The following MARCHF6 variants were observed in gnomAD, a reference collection of about 807,000 sequenced individuals.
MARCHF6 encodes the protein membrane associated ring-CH-type finger 6.
MARCHF6 carries 31 observed loss-of-function variants against 133.7 expected under a neutral mutation model. The ratio of observed to expected loss-of-function variants is 0.23; its 90% CI spans 0.17 to 0.31. The LOEUF (loss-of-function observed/expected upper bound fraction) is 0.31, where lower values mean the gene tolerates loss of function less well. Ranked by LOEUF, MARCHF6 falls within the 10% of genes least tolerant of loss-of-function variation. The probability of loss-of-function intolerance (pLI) is 1.00; values close to 1 mark genes in which losing one functional copy is unlikely to be tolerated. For missense variants in MARCHF6, 723 were observed against 1,121.6 expected, an observed-to-expected ratio of 0.64 and a Z score of 5.08; for synonymous variants, 395 against 402.5, an observed-to-expected ratio of 0.98 and a Z score of 0.22.
rs1740620973 is a variant in MARCHF6, at chr5:10,435,698, T to A, written c.*2014T>A. On this transcript the variant is annotated 3_prime_UTR_variant, in exon 26 of 26. Coordinates refer to ENST00000274140, the MANE Select transcript of MARCHF6 (RefSeq NM_005885.4). ...ATATATATATATATATATATATATA[T>A]TTTTTTTTTTTTTTTTTTTTTTTTT... The A allele has an allele frequency of 1.4e-4, 1 of 6,978 alleles. No individual in the cohort carries two copies. The highest frequency in any genetic ancestry group is 5.7e-3 in the South Asian group (1 of 174). 0.4% of individuals were successfully genotyped at this position (6,978 alleles called of 1,614,324 possible). A position where few individuals can be genotyped will look rare whatever the true frequency, so the allele number is the denominator to read the frequency against.
chr5:10,366,660 C>G (rs1002892848), intron 1 of MARCHF6, among the ~76,000 whole-genome samples: 18 of 152,194 alleles, frequency 1.2e-4, no homozygotes, highest in African/African-American at 4.3e-4. Context: ...GGAGCAAAGG[C>G]AGCAGCCTAG....
rs751425533 is a variant in MARCHF6, at chr5:10,394,075, T to C, written c.767-7T>C. 19 of 1,510,182 alleles carry C rather than the reference T, an allele frequency of 1.3e-5. No homozygotes were observed. Among genetic ancestry groups the C allele is most frequent in the Middle Eastern group, 3.6e-4 (2 of 5,628 alleles). 93.5% of individuals were successfully genotyped at this position (1,510,182 alleles called of 1,614,324 possible). ...AAGTAATCTTTAAATTGCAATTATA[T>C]TTTCAGATGACATGAATTGGAATGC... On this transcript the variant is annotated splice_region_variant and splice_polypyrimidine_tract_variant and intron_variant, in intron 7 of 25. Transcript: ENST00000274140.
chr5:10,405,468 T>C (rs1738829572), intron 15 of MARCHF6, 90 bp from the exon 16 acceptor site: 1 of 1,120,356 alleles, frequency 8.9e-7, no homozygotes, highest in Admixed American at 3.0e-5. Context: ...AGAATAATTC[T>C]AAGTGCTTAT....
At position 10,431,187 on chromosome 5, in the gene MARCHF6, A is replaced by G. The variant is rs189319289; in HGVS notation, c.2642+1159A>G. ...AGCATTTACTGACAGTAAAAAATAC[A>G]AGTACACTTAGGCAGTCAGAGTACA... On this transcript the variant is annotated intron_variant, in intron 25 of 25. Coordinates refer to ENST00000274140, the MANE Select transcript of MARCHF6 (RefSeq NM_005885.4). Among the ~76,000 whole-genome samples the G allele has an allele frequency of 7.2e-5, 11 of 152,346 alleles. No homozygotes were observed. The East Asian group carries it at 2.1e-3, about 29-fold the overall frequency.
intron 7 of MARCHF6, 115 bp downstream of exon 7, chr5:10,391,846 C>G: frequency 9.2e-7 from 1 of 1,090,168 alleles, no homozygotes; most frequent in Non-Finnish European, 1.2e-6. Context: ...CTATTTCTAA[C>G]TTATTTTTAC....
chr5:10,429,792 C>A, intron 24 of MARCHF6, 101 bp from the exon 25 acceptor site: 2 of 944,512 alleles, frequency 2.1e-6, no homozygotes, highest in African/African-American at 1.6e-5. Context: ...GCTTAGAAAG[C>A]TTGTCTGCCC....
Position 10,372,742 on chromosome 5 carries a change from A to G in MARCHF6, c.20-5056A>G, listed in dbSNP as rs147448462. Among the ~76,000 whole-genome samples the G allele has an allele frequency of 1.1e-4, 16 of 152,336 alleles. No individual in the cohort carries two copies. In the East Asian group the frequency reaches 2.9e-3, roughly 28 times the overall value. ...AAAATAACTATTCCAAACTCCCAAAATTGATGAGGAAAGTGGATTTGTTTT... is the reference window on the plus strand; with the variant it reads ...AAAATAACTATTCCAAACTCCCAAAGTTGATGAGGAAAGTGGATTTGTTTT... On this transcript the variant is annotated intron_variant, in intron 1 of 25. Coordinates refer to ENST00000274140, the MANE Select transcript of MARCHF6 (RefSeq NM_005885.4).
chr5:10,382,350 C>T (rs1016752715), intron 4 of MARCHF6, among the ~76,000 whole-genome samples: 8 of 150,608 alleles, frequency 5.3e-5, no homozygotes, highest in African/African-American at 2.0e-4. Context: ...TGAGACTAGC[C>T]TGGCCAACAT....
At chr5:10,362,989 A>G (rs896166794) in intron 1 of MARCHF6, among the ~76,000 whole-genome samples, 16 of 152,246 alleles carry the variant, frequency 1.1e-4, no homozygotes, top group African/African-American at 3.8e-4. Context: ...GAATAGCTGT[A>G]GGAAAAAAAA....
intron 1 of MARCHF6, among the ~76,000 whole-genome samples, chr5:10,372,082 A>T (rs1021635273): frequency 1.3e-5 from 2 of 151,682 alleles, no homozygotes; most frequent in African/African-American, 4.8e-5. Context: ...AAAAAAAGAG[A>T]GACATAGAGA....
At chr5:10,356,964 A>G (rs968132326) in intron 1 of MARCHF6, among the ~76,000 whole-genome samples, 5 of 152,220 alleles carry the variant, frequency 3.3e-5, no homozygotes, top group African/African-American at 1.2e-4. Flanking sequence ...TAATTTTTGT[A>G]AAATCAACAG....
chr5:10,426,244 A>T (rs1177868677), intron 23 of MARCHF6, 146 bp from the exon 24 acceptor site: 18 of 797,942 alleles, frequency 2.3e-5, no homozygotes, highest in Non-Finnish European at 3.5e-5. Context: ...GCTTATGTTG[A>T]TATACCAGAA....
intron 9 of MARCHF6, 84 bp from the exon 10 acceptor site, chr5:10,397,209 C>A: frequency 2.1e-6 from 2 of 957,158 alleles, no homozygotes; most frequent in Non-Finnish European, 1.5e-6. Flanking sequence ...TACTATTTGG[C>A]TCTAGCTAAA....
At chr5:10,361,437 T>C (rs1735812967) in intron 1 of MARCHF6, among the ~76,000 whole-genome samples, 1 of 152,184 alleles carries the variant, frequency 6.6e-6, no homozygotes, top group South Asian at 2.1e-4. Flanking sequence ...GGCTTGTAGA[T>C]GATTGTCTTC....
chr5:10,387,640 A>G (rs1045229528), intron 5 of MARCHF6, among the ~76,000 whole-genome samples: 6 of 151,994 alleles, frequency 3.9e-5, no homozygotes, highest in Non-Finnish European at 7.4e-5. Context: ...GCAGTTTGAG[A>G]TACATACTAC....
At chr5:10,368,916 C>A (rs193049457) in intron 1 of MARCHF6, among the ~76,000 whole-genome samples, 24 of 151,768 alleles carry the variant, frequency 1.6e-4, no homozygotes, top group African/African-American at 5.8e-4. Flanking sequence ...CCATTGCACT[C>A]CAGCCTTGAT....
At chr5:10,404,254 G>C (rs1406747870) in intron 15 of MARCHF6, among the ~76,000 whole-genome samples, 2 of 151,900 alleles carry the variant, frequency 1.3e-5, no homozygotes, top group Non-Finnish European at 2.9e-5. Flanking sequence ...TTTTAGTAGA[G>C]ACAGGGTTTC....
In MARCHF6 at chr5:10,415,587, T is replaced by C; in HGVS notation, c.2066T>C (p.Ile689Thr). Residue 689 changes from isoleucine (I) to threonine (T), a missense_variant, in exon 21 of 26, where the codon ATA becomes ACA. Around this residue, in one of 4 missense-constraint regions of MARCHF6, gnomAD observed 492 missense variants for 699.5 expected, o/e 0.70. Transcript: ENST00000274140. ...GGTCTCTATGTTTGCTGGCTAACCATAAGGGCTGTGACGGTGATGGTGGCA... is the reference window on the plus strand; with the variant it reads ...GGTCTCTATGTTTGCTGGCTAACCACAAGGGCTGTGACGGTGATGGTGGCA... ...ACGLYVCWLT[I>T]RAVTVMVAWM... The C allele has an allele frequency of 6.2e-7, 1 of 1,614,154 alleles. No homozygotes were observed. The highest frequency in any genetic ancestry group is 8.5e-7 in the Non-Finnish European group (1 of 1,180,006).
Position 10,426,927 on chromosome 5 carries a change from G to A in MARCHF6, c.2506+405G>A, listed in dbSNP as rs1354248373. Among the ~76,000 whole-genome samples the A allele has an allele frequency of 6.6e-5, 10 of 152,330 alleles. 1 individual carries two copies. The South Asian group carries it at 1.4e-3, about 22-fold the overall frequency. ...AAGAGGAGATGCTAATGGGCAACAC[G>A]TTTATACTGAAATACACTGTCTTGT... On this transcript the variant is annotated intron_variant, in intron 24 of 25. Transcript: ENST00000274140.
Sources: gnomAD v4.1 joint callset for allele counts (sites outside exome capture counted in the v4.1 genomes callset) on GRCh38, gnomAD v4.1.1 for gene constraint, gnomAD v4.1.1 regional missense constraint, MANE v1.5 for transcripts, NCBI Gene and HGNC (gene_info 2026-07-23, HGNC 2026-07-21) for gene names.